BCAS3: variants seen among roughly 807,000 people sequenced by gnomAD.
BCAS3 encodes BCAS4/BCAS3 fusion.
In BCAS3, 53 loss-of-function variants were observed where a neutral mutation model predicts 116.1. The observed-to-expected ratio is 0.46, with a 90% CI of 0.37 to 0.57. The LOEUF (loss-of-function observed/expected upper bound fraction) is 0.57, where lower values mean the gene tolerates loss of function less well. Among genes scored for constraint, BCAS3 ranks in the 20% least tolerant of loss-of-function variants. The pLI, the probability that BCAS3 is intolerant of heterozygous loss-of-function variation, is 0.00. For synonymous variants in BCAS3, 391 were observed against 408.2 expected, an observed-to-expected ratio of 0.96 and a Z score of 0.51; for missense variants, 917 against 1,165.4, an observed-to-expected ratio of 0.79 and a Z score of 3.10.
intron 22 of BCAS3, among the ~76,000 whole-genome samples, chr17:61,101,013 A>G (rs1477017206): frequency 6.6e-6 from 1 of 152,128 alleles, no homozygotes; most frequent in African/African-American, 2.4e-5. Context: ...ATCTCAGCCA[A>G]CCTTGATTTC....
chr17:61,078,888 C>A (rs754457558), intron 21 of BCAS3, among the ~76,000 whole-genome samples: 3 of 152,156 alleles, frequency 2.0e-5, no homozygotes, highest in Non-Finnish European at 4.4e-5. Flanking sequence ...AATTAAATTT[C>A]ATCTGTGATT....
chr17:61,274,085 A>G (rs1568726938), intron 22 of BCAS3, among the ~76,000 whole-genome samples: 3 of 150,906 alleles, frequency 2.0e-5, no homozygotes, highest in Non-Finnish European at 3.0e-5. Flanking sequence ...CATTAGGTAT[A>G]TCTCCTAATG....
chr17:60,921,759 A>G (rs930149967), intron 12 of BCAS3, among the ~76,000 whole-genome samples: 5 of 152,052 alleles, frequency 3.3e-5, no homozygotes, highest in Non-Finnish European at 2.9e-5. Flanking sequence ...CCTGGGTGCA[A>G]TATATCCATG....
intron 18 of BCAS3, among the ~76,000 whole-genome samples, chr17:61,039,347 T>A (rs2067315505): frequency 6.6e-6 from 1 of 152,232 alleles, no homozygotes; most frequent in African/African-American, 2.4e-5. Flanking sequence ...CATTTATTAG[T>A]TGATGGATAT....
At chr17:60,795,231 T>C (rs1407219399) in intron 6 of BCAS3, among the ~76,000 whole-genome samples, 1 of 152,178 alleles carries the variant, frequency 6.6e-6, no homozygotes, top group Non-Finnish European at 1.5e-5. Flanking sequence ...TCGCTGTTGG[T>C]GTATAGAAGA....
chr17:60,863,805 A>G (rs1158404627), intron 7 of BCAS3, among the ~76,000 whole-genome samples: 1 of 152,166 alleles, frequency 6.6e-6, no homozygotes, highest in Non-Finnish European at 1.5e-5. Context: ...TAATGGCATT[A>G]TGTCAAAAAA....
chr17:60,714,545 TTG>T, intron 5 of BCAS3, among the ~76,000 whole-genome samples: 1 of 151,786 alleles, frequency 6.6e-6, no homozygotes, highest in Non-Finnish European at 1.5e-5. Context: ...CCCAGCTACT[TTG>T]GAGGCTGAGG....
At chr17:61,350,608 A>G (rs191099410) in intron 22 of BCAS3, among the ~76,000 whole-genome samples, 1 of 149,382 alleles carries the variant, frequency 6.7e-6, no homozygotes, top group Non-Finnish European at 1.5e-5. Flanking sequence ...ACTGTGGTGT[A>G]TGTACACAAT....
rs1412430069 is a variant in BCAS3 at position 61,368,221 on chromosome 17, G to C, written c.2426-106G>C. 1.6e-6 allele frequency: 2 copies of C among 1,261,616 alleles called. No individual in the cohort carries two copies. Among genetic ancestry groups the C allele is most frequent in the Non-Finnish European group, 1.1e-6 (1 of 915,290 alleles). The allele number at this position is 1,261,616 out of a possible 1,614,324, so 78.2% of individuals were successfully genotyped here. ...CGGCGTGCTTCCATCCTACAGGAAGGCTACAATGGACCCTGGGTATGGAGA... is the reference window on the plus strand; with the variant it reads ...CGGCGTGCTTCCATCCTACAGGAAGCCTACAATGGACCCTGGGTATGGAGA... On this transcript the variant is annotated intron_variant, in intron 22 of 23. Coordinates refer to ENST00000407086, the MANE Select transcript of BCAS3 (RefSeq NM_017679.5). This position sits in a 1 kb window ranked among gnomAD's most constrained non-coding sequence, Gnocchi z 6.0.
In BCAS3 at chr17:61,187,763, T is replaced by C. The variant is rs1242752077; in HGVS notation, c.2425+103199T>C. 6.6e-5 allele frequency among the ~76,000 whole-genome samples: 10 copies of C among 152,184 alleles called. 1 individual carries two copies. Among genetic ancestry groups the C allele is most frequent in the Non-Finnish European group, 1.5e-4 (10 of 68,022 alleles). ...GGCTGTGGGTCAAGAGGTCAGTCTTTGAGGTTAAGAGTGGATGGGGTCATT... is the reference window on the plus strand; with the variant it reads ...GGCTGTGGGTCAAGAGGTCAGTCTTCGAGGTTAAGAGTGGATGGGGTCATT... On this transcript the variant is annotated intron_variant, in intron 22 of 23. Coordinates refer to ENST00000407086, the MANE Select transcript of BCAS3 (RefSeq NM_017679.5).
intron 4 of BCAS3, among the ~76,000 whole-genome samples, chr17:60,697,326 C>T (rs910964981): frequency 1.3e-5 from 2 of 151,630 alleles, no homozygotes; most frequent in Admixed American, 6.6e-5. Flanking sequence ...TTTGGGAGGC[C>T]GAGGCAGGTG....
intron 19 of BCAS3, among the ~76,000 whole-genome samples, chr17:61,061,966 C>A (rs1190522367): frequency 6.6e-6 from 1 of 152,124 alleles, no homozygotes; most frequent in Non-Finnish European, 1.5e-5. Context: ...AAGTAGCACA[C>A]CCCCTTTAAA....
intron 15 of BCAS3, 127 bp from the exon 16 acceptor site, chr17:61,015,624 G>A: frequency 5.5e-6 from 5 of 905,286 alleles, no homozygotes; most frequent in East Asian, 2.4e-5. Flanking sequence ...AATTCTCTTG[G>A]CATCAATTCT....
intron 7 of BCAS3, among the ~76,000 whole-genome samples, chr17:60,854,347 C>T (rs1007709272): frequency 6.6e-6 from 1 of 152,014 alleles, no homozygotes; most frequent in East Asian, 1.9e-4. Flanking sequence ...TGAATAGTGC[C>T]GCAATGAACA....
At chr17:61,052,819 G>A (rs955428935) in intron 19 of BCAS3, among the ~76,000 whole-genome samples, 1 of 149,762 alleles carries the variant, frequency 6.7e-6, no homozygotes, top group Non-Finnish European at 1.5e-5. Flanking sequence ...CCCGGATCAA[G>A]TGATCCTCCT....
In BCAS3 at chr17:60,889,686, AT is replaced by A. The variant is rs1321522301; in HGVS notation, c.662-4del. 5 of 1,611,240 alleles carry A rather than the reference AT, an allele frequency of 3.1e-6. No individual in the cohort carries two copies. Among genetic ancestry groups the A allele is most frequent in the Non-Finnish European group, 4.2e-6 (5 of 1,178,472 alleles). On this transcript the variant is annotated splice_region_variant and splice_polypyrimidine_tract_variant and intron_variant, in intron 9 of 23. Transcript: ENST00000407086. ...AAATTTCTCAATAGTGCCATTTGAA[AT>A]TTTTCAGGCTGCTATCCATGTCCAG... is the stretch of plus-strand genomic sequence containing the variant.
Position 61,365,556 on chromosome 17 carries a change from A to G in BCAS3, c.2426-2771A>G, listed in dbSNP as rs956389777. Among the ~76,000 whole-genome samples the G allele has an allele frequency of 1.3e-5, 2 of 151,826 alleles. No homozygotes were observed. Among genetic ancestry groups the G allele is most frequent in the African/African-American group, 2.4e-5 (1 of 41,338 alleles). On this transcript the variant is annotated intron_variant, in intron 22 of 23. Coordinates refer to ENST00000407086, the MANE Select transcript of BCAS3 (RefSeq NM_017679.5). This position sits in a 1 kb window ranked among gnomAD's most constrained non-coding sequence, Gnocchi z 4.6. Reference sequence around the variant, plus strand: ...ACCATGTTGTCCAGGCTGGTCTCAAACTCTTGGCCTCAAGTGATCTGCTCA... The same window carrying G: ...ACCATGTTGTCCAGGCTGGTCTCAAGCTCTTGGCCTCAAGTGATCTGCTCA...
At chr17:60,701,354 G>C (rs971605064) in intron 4 of BCAS3, among the ~76,000 whole-genome samples, 3 of 152,148 alleles carry the variant, frequency 2.0e-5, no homozygotes, top group African/African-American at 7.2e-5. Context: ...ACAAAATATG[G>C]CAAATAACAC....
chr17:61,182,054 T>G (rs1195102448), intron 22 of BCAS3, among the ~76,000 whole-genome samples: 1 of 152,014 alleles, frequency 6.6e-6, no homozygotes, highest in Non-Finnish European at 1.5e-5. Flanking sequence ...TTTAAAATTT[T>G]TGTTGAGATG....
Sources: allele counts gnomAD v4.1 joint callset (sites outside exome capture counted in the v4.1 genomes callset), GRCh38; gene constraint gnomAD v4.1.1; non-coding constraint Gnocchi (gnomAD v3.1); transcripts MANE v1.5; gene names NCBI Gene and HGNC (gene_info 2026-07-23, HGNC 2026-07-21).